The following CNTN5 variants were observed in gnomAD, a reference collection of about 807,000 sequenced individuals.
CNTN5 encodes the protein contactin-5.
In CNTN5, 77 loss-of-function variants were observed where a neutral mutation model predicts 129.1. The observed-to-expected ratio is 0.60, with a 90% CI of 0.50 to 0.72. The LOEUF (loss-of-function observed/expected upper bound fraction) is 0.72, where lower values mean the gene tolerates loss of function less well. Ranked by LOEUF, CNTN5 falls within the 30% of genes least tolerant of loss-of-function variation. CNTN5 has a pLI of 0.00. For synonymous variants in CNTN5, 509 were observed against 465.6 expected, an observed-to-expected ratio of 1.09 and a Z score of -1.20; for missense variants, 1,478 against 1,328.8, an observed-to-expected ratio of 1.11 and a Z score of -1.75.
At chr11:99,779,116 A>G (rs1145380) in intron 3 of CNTN5, among the ~76,000 whole-genome samples, 101,383 of 151,630 alleles carry the variant, frequency 0.67, 34,051 homozygotes, top group East Asian at 0.71. Flanking sequence ...TTTTAATATC[A>G]TATTATGAAT....
chr11:99,422,597 T>C (rs567141833), intron 2 of CNTN5, among the ~76,000 whole-genome samples: 4 of 148,180 alleles, frequency 2.7e-5, no homozygotes, highest in Non-Finnish European at 6.0e-5. Flanking sequence ...CTAGGGTACA[T>C]GTGCACAACG....
chr11:100,265,999 T>G (rs1179893111), intron 17 of CNTN5, among the ~76,000 whole-genome samples: 2 of 152,208 alleles, frequency 1.3e-5, no homozygotes, highest in Non-Finnish European at 2.9e-5. Flanking sequence ...ATATGCTTCT[T>G]AAATATTCTA....
At chr11:99,152,387 C>T (rs1274143918) in intron 1 of CNTN5, among the ~76,000 whole-genome samples, 2 of 152,100 alleles carry the variant, frequency 1.3e-5, no homozygotes, top group Non-Finnish European at 2.9e-5. Flanking sequence ...ATTCCATTAC[C>T]ATTATATAAC....
chr11:99,573,523 T>C (rs1295564794), intron 3 of CNTN5, among the ~76,000 whole-genome samples: 3 of 151,472 alleles, frequency 2.0e-5, no homozygotes, highest in Non-Finnish European at 4.4e-5. Context: ...TGAGCCCAGA[T>C]CACGCCACTG....
In CNTN5 at chr11:100,319,300, G is replaced by A. The variant is rs187073208; in HGVS notation, c.2730+10832G>A. On this transcript the variant is annotated intron_variant, in intron 21 of 24. Transcript: ENST00000524871. The stretch of plus-strand genomic sequence containing the variant: ...CCCAAGTAGCTGGGATTACAGGCAC[G>A]CACCACTGTGCCCAGGTGATTTTTG... Among the ~76,000 whole-genome samples, 11 of 151,962 alleles carry A rather than the reference G, an allele frequency of 7.2e-5. 1 individual carries two copies. The East Asian group carries it at 7.8e-4, about 11-fold the overall frequency.
rs1367331468 is a variant in CNTN5, at chr11:99,934,934, A to G, written c.673+18785A>G. Among the ~76,000 whole-genome samples the G allele has an allele frequency of 2.3e-4, 22 of 94,126 alleles. 1 individual carries two copies. The highest frequency in any genetic ancestry group is 3.0e-4 in the Non-Finnish European group (15 of 50,012). 61.8% of individuals were successfully genotyped at this position (94,126 alleles called of 152,430 possible). A position where few individuals can be genotyped will look rare whatever the true frequency, so the allele number is the denominator to read the frequency against. ...TATATATATATATATATATATATAT[A>G]TATATATATATATACACACACATAT... On this transcript the variant is annotated intron_variant, in intron 7 of 24. Coordinates refer to ENST00000524871, the MANE Select transcript of CNTN5 (RefSeq NM_014361.4).
Position 99,077,425 on chromosome 11 carries a change from A to G in CNTN5, c.-210+56155A>G, listed in dbSNP as rs185551268. On this transcript the variant is annotated intron_variant, in intron 1 of 24. Transcript: ENST00000524871. ...TGGCATTAGCCTCCACACATTAAGC[A>G]CTACTCCATAGATTCTGGATACAGT... 1.2e-3 allele frequency among the ~76,000 whole-genome samples: 182 copies of G among 152,308 alleles called. 1 individual carries two copies. Among genetic ancestry groups the G allele is most frequent in the Middle Eastern group, 3.4e-3 (1 of 294 alleles).
At chr11:99,023,417 C>G (rs889298455) in intron 1 of CNTN5, among the ~76,000 whole-genome samples, 1 of 152,206 alleles carries the variant, frequency 6.6e-6, no homozygotes, top group Non-Finnish European at 1.5e-5. Flanking sequence ...TCTGTCACAG[C>G]TGACTTAGCA....
Position 100,191,159 on chromosome 11 carries a change from C to A in CNTN5, c.1614C>A (p.Ile538=), listed in dbSNP as rs754643048. The A allele has an allele frequency of 1.1e-5, 18 of 1,609,938 alleles. No homozygotes were observed. The Admixed American group carries it at 2.5e-4, about 22-fold the overall frequency. The part of the protein sequence containing the change: ...IAILPDGSLR[I]LNASKSDEGK... ...TTCTTCCAGACGGGAGTCTACGGAT[C>A]CTAAATGCTTCCAAATCAGACGAGG... Residue 538 remains isoleucine (I), a synonymous_variant, in exon 14 of 25, where the codon ATC becomes ATA. Coordinates refer to ENST00000524871, the MANE Select transcript of CNTN5 (RefSeq NM_014361.4).
At chr11:100,154,051 A>G (rs903312729) in intron 13 of CNTN5, among the ~76,000 whole-genome samples, 24 of 152,082 alleles carry the variant, frequency 1.6e-4, no homozygotes, top group Non-Finnish European at 3.5e-4. Context: ...GTACATGTGC[A>G]GAATGTGCAG....
chr11:100,126,657 T>C (rs1178326339), intron 13 of CNTN5, among the ~76,000 whole-genome samples: 1 of 152,144 alleles, frequency 6.6e-6, no homozygotes, highest in Non-Finnish European at 1.5e-5. Context: ...ACCCTTTACT[T>C]TCAGCCTATG....
intron 15 of CNTN5, among the ~76,000 whole-genome samples, chr11:100,197,219 T>C (rs1240768856): frequency 2.0e-5 from 3 of 151,948 alleles, no homozygotes; most frequent in Non-Finnish European, 4.4e-5. Flanking sequence ...TGAGGGTGTA[T>C]AGTAGACAAT....
chr11:99,388,143 C>T (rs893284881), intron 2 of CNTN5, among the ~76,000 whole-genome samples: 6 of 151,860 alleles, frequency 4.0e-5, no homozygotes, highest in South Asian at 2.1e-4. Context: ...TGGCTGGACG[C>T]GGGGGCTCAA....
intron 16 of CNTN5, among the ~76,000 whole-genome samples, chr11:100,250,215 A>G (rs1312385094): frequency 6.6e-6 from 1 of 152,036 alleles, no homozygotes; most frequent in Non-Finnish European, 1.5e-5. Context: ...GGATGAAAAA[A>G]AACCCTGTTA....
chr11:100,180,062 GACA>G (rs1948090262), intron 13 of CNTN5, among the ~76,000 whole-genome samples: 1 of 151,904 alleles, frequency 6.6e-6, no homozygotes, highest in Admixed American at 6.6e-5. Flanking sequence ...ATTATACAAG[GACA>G]ACATTATGCT....
At chr11:99,835,760 T>C (rs1947283237) in intron 4 of CNTN5, among the ~76,000 whole-genome samples, 1 of 152,168 alleles carries the variant, frequency 6.6e-6, no homozygotes, top group South Asian at 2.1e-4. Context: ...CTATAACTGG[T>C]CAAGCTAAAT....
In CNTN5 at chr11:100,299,403, T is replaced by G. The variant is rs1951171097; in HGVS notation, c.2620+7T>G. On this transcript the variant is annotated splice_region_variant and intron_variant, in intron 20 of 24. Transcript: ENST00000524871. ...ATCTGTTCAGCTGAAGGAGGTCAGT[T>G]TTTTTATTCCTATTATTTTTATTTA... 2 of 1,518,284 alleles carry G rather than the reference T, an allele frequency of 1.3e-6. No homozygotes were observed. The highest frequency in any genetic ancestry group is 1.8e-6 in the Non-Finnish European group (2 of 1,111,406). The allele number at this position is 1,518,284 out of a possible 1,614,324, so 94.1% of individuals were successfully genotyped here. A position where few individuals can be genotyped will look rare whatever the true frequency, so the allele number is the denominator to read the frequency against.
At chr11:99,408,379 A>AG (rs1444978287) in intron 2 of CNTN5, among the ~76,000 whole-genome samples, 2,667 of 148,962 alleles carry the variant, frequency 0.018, 91 homozygotes, top group African/African-American at 0.048. Context: ...AAAAAAAAAA[A>AG]AAAAGAAAGA....
intron 1 of CNTN5, among the ~76,000 whole-genome samples, chr11:99,172,201 C>A (rs2135543293): frequency 1.1e-5 from 1 of 88,112 alleles, no homozygotes; most frequent in East Asian, 2.5e-4. Flanking sequence ...CACTAAGACC[C>A]AGTTTCTTTT....
Sources: allele counts gnomAD v4.1 joint callset (sites outside exome capture counted in the v4.1 genomes callset), GRCh38; gene constraint gnomAD v4.1.1; transcripts MANE v1.5; gene names NCBI Gene and HGNC (gene_info 2026-07-23, HGNC 2026-07-21).